MED13L: variants seen among roughly 807,000 people sequenced by gnomAD.
MED13L encodes the protein mediator of RNA polymerase II transcription subunit 13-like.
A neutral mutation model predicts 220.9 loss-of-function variants in MED13L; 7 were observed. The observed-to-expected ratio is 0.03, with a 90% CI of 0.02 to 0.06. The LOEUF is 0.06. MED13L is among the 10% of genes least tolerant of loss of function. MED13L has a pLI of 1.00. For missense variants in MED13L, 1,965 were observed against 2,760.5 expected (o/e 0.71, Z 6.46); for synonymous variants, 1,011 against 1,015.2 (o/e 1.00, Z 0.08).
At chr12:116,056,262 GTTTCT>G (rs1423511741) in intron 4 of MED13L, among the ~76,000 whole-genome samples, 1 of 149,882 alleles carries the variant, frequency 6.7e-6, no homozygotes, top group Non-Finnish European at 1.5e-5. Context: ...AATTTATGAA[GTTTCT>G]TTTCTTGTTT....
At chr12:116,221,112 T>C (rs1267693815) in intron 2 of MED13L, among the ~76,000 whole-genome samples, 1 of 152,090 alleles carries the variant, frequency 6.6e-6, no homozygotes, top group African/African-American at 2.4e-5. Flanking sequence ...TGGTGGCTCA[T>C]GTGTGTAATC....
chr12:116,159,490 G>A (rs906375436), intron 2 of MED13L, among the ~76,000 whole-genome samples: 31 of 152,182 alleles, frequency 2.0e-4, no homozygotes, highest in African/African-American at 7.2e-4. Context: ...GACTTAGAAA[G>A]GTGAGCAGGT....
chr12:116,243,401 GT>G (rs1870823520), intron 1 of MED13L, among the ~76,000 whole-genome samples: 1 of 152,060 alleles, frequency 6.6e-6, no homozygotes, highest in Non-Finnish European at 1.5e-5. Flanking sequence ...GCATAAATGG[GT>G]TAAGTGGCAG....
At chr12:116,049,781 T>C (rs1161561921) in intron 4 of MED13L, among the ~76,000 whole-genome samples, 1 of 152,172 alleles carries the variant, frequency 6.6e-6, no homozygotes, top group Non-Finnish European at 1.5e-5. Flanking sequence ...GAAGAAAATG[T>C]AAACACTAAT....
intron 4 of MED13L, among the ~76,000 whole-genome samples, chr12:116,070,386 T>C (rs1040295396): frequency 2.6e-5 from 4 of 152,246 alleles, no homozygotes; most frequent in South Asian, 2.1e-4. Flanking sequence ...CAGATACTTA[T>C]GAACTAGGTC....
intron 8 of MED13L, among the ~76,000 whole-genome samples, chr12:116,013,691 T>G (rs1022067791): frequency 2.6e-5 from 4 of 152,234 alleles, no homozygotes; most frequent in African/African-American, 9.7e-5. Flanking sequence ...TCACTGATAA[T>G]TGGTAGCGAA....
chr12:116,216,647 G>A (rs1348479560), intron 2 of MED13L, among the ~76,000 whole-genome samples: 3 of 152,096 alleles, frequency 2.0e-5, no homozygotes, highest in Non-Finnish European at 2.9e-5. Flanking sequence ...ACTGCTGGGG[G>A]AAAACTGTGA....
At chr12:116,004,700 C>A (rs1878942447) in intron 13 of MED13L, among the ~76,000 whole-genome samples, 1 of 152,006 alleles carries the variant, frequency 6.6e-6, no homozygotes. Context: ...TGTCCCTCCC[C>A]CTTCCTCTCA....
chr12:116,072,742 A>G (rs942052608), intron 4 of MED13L, among the ~76,000 whole-genome samples: 8 of 152,212 alleles, frequency 5.3e-5, no homozygotes, highest in African/African-American at 1.9e-4. Flanking sequence ...ATTAACTGAG[A>G]GGCAGTACAG....
chr12:116,232,127 C>T, intron 2 of MED13L: 1 of 985,330 alleles, frequency 1.0e-6, no homozygotes, highest in Non-Finnish European at 1.2e-6. Flanking sequence ...TTTACAATCG[C>T]CCACACCTCC....
At chr12:116,216,912 C>T (rs990840916) in intron 2 of MED13L, among the ~76,000 whole-genome samples, 4 of 152,118 alleles carry the variant, frequency 2.6e-5, no homozygotes, top group African/African-American at 9.7e-5. Flanking sequence ...AAATACCCGA[C>T]AGTAATATAT....
At chr12:116,269,755 C>T (rs1437990750) in intron 1 of MED13L, among the ~76,000 whole-genome samples, 2 of 152,178 alleles carry the variant, frequency 1.3e-5, no homozygotes, top group Non-Finnish European at 2.9e-5. Context: ...AGCCAAGGCT[C>T]TGCGCTATTT....
At chr12:116,066,388 C>A (rs1869929229) in intron 4 of MED13L, among the ~76,000 whole-genome samples, 1 of 152,148 alleles carries the variant, frequency 6.6e-6, no homozygotes, top group Non-Finnish European at 1.5e-5. Flanking sequence ...AGGTAAACAG[C>A]AAGAATGAGG....
chr12:116,159,225 G>A (rs540942731), intron 2 of MED13L, among the ~76,000 whole-genome samples: 110 of 152,224 alleles, frequency 7.2e-4, no homozygotes, highest in African/African-American at 2.3e-3. Context: ...AATACTACAG[G>A]ATCAAAGTAA....
intron 27 of MED13L, 87 bp downstream of exon 27, chr12:115,970,507 G>T: frequency 7.0e-7 from 1 of 1,428,980 alleles, no homozygotes; most frequent in Non-Finnish European, 9.8e-7. Context: ...TTACAACACA[G>T]AAAAGCCATG....
intron 16 of MED13L, among the ~76,000 whole-genome samples, chr12:115,993,324 T>A (rs551475447): frequency 1.3e-5 from 2 of 152,246 alleles, no homozygotes; most frequent in South Asian, 2.1e-4. Flanking sequence ...TAAAATTTTT[T>A]AATATCCTTT....
Position 116,008,437 on chromosome 12 carries a change from T to C in MED13L, c.1976A>G (p.Lys659Arg). The C allele has an allele frequency of 6.2e-7, 1 of 1,612,434 alleles. No homozygotes were observed. The highest frequency in any genetic ancestry group is 8.5e-7 in the Non-Finnish European group (1 of 1,179,794). ...AGTGCTCTCTGAGTTTACCTCCATT[T>C]TGGCATCACATCTCTCACCCTGGAG... ...PELQGERCDA[K>R]MEVNSESTAL... is the part of the protein sequence containing the mutation. The change falls in exon 10 of 31, where the codon AAA (lysine) becomes AGA (arginine). Residue 659 changes from lysine (K) to arginine (R), a missense_variant. Lys to Arg is a conservative substitution (Grantham distance 26, BLOSUM62 2). Transcript: ENST00000281928.
chr12:116,044,662 A>T (rs2137557122), intron 4 of MED13L, among the ~76,000 whole-genome samples: 1 of 152,328 alleles, frequency 6.6e-6, no homozygotes, highest in Admixed American at 6.5e-5. Flanking sequence ...TATGACCCGC[A>T]AATAATCATC....
At chr12:116,027,764 T>C (rs539589014) in intron 4 of MED13L, among the ~76,000 whole-genome samples, 1 of 152,244 alleles carries the variant, frequency 6.6e-6, no homozygotes, top group African/African-American at 2.4e-5. Context: ...AATATCTTTA[T>C]CCAAAGCAAT....
Sources: allele counts gnomAD v4.1 joint callset (sites outside exome capture counted in the v4.1 genomes callset), GRCh38; gene constraint gnomAD v4.1.1; transcripts MANE v1.5; gene names NCBI Gene and HGNC (gene_info 2026-07-23, HGNC 2026-07-21).